Variants in ERC1 observed in about 807,000 individuals in gnomAD.
ERC1 encodes the protein RAB6 interacting protein 2.
Under a neutral mutation model 132.0 loss-of-function variants are expected in ERC1, and 56 were observed. That is an observed-to-expected ratio of 0.42 (90% CI 0.34 to 0.53). The LOEUF (loss-of-function observed/expected upper bound fraction) is 0.53, where lower values mean the gene tolerates loss of function less well. Among genes scored for constraint, ERC1 ranks in the 20% least tolerant of loss-of-function variants. The pLI is 0.03. For synonymous variants in ERC1, 478 were observed against 476.1 expected (o/e 1.00, Z -0.05); for missense variants, 1,202 against 1,349.9 (o/e 0.89, Z 1.72).
chr12:1,296,024 AAAC>A lies in ERC1; in HGVS notation c.2780+6016_2780+6018del, dbSNP rs753617213. On this transcript the variant is annotated intron_variant, in intron 15 of 18. Coordinates refer to ENST00000360905, the MANE Select transcript of ERC1 (RefSeq NM_178040.4). The stretch of plus-strand genomic sequence containing the variant: ...TTGGTTTAACAGAAAAAAAAAAAAA[AAAC>A]AACTAAATTCACCCTTATACATTAA... 2.1e-3 allele frequency among the ~76,000 whole-genome samples: 320 copies of A among 150,468 alleles called. 1 individual carries two copies. Among genetic ancestry groups the A allele is most frequent in the African/African-American group, 7.2e-3 (296 of 41,284 alleles).
chr12:1,333,312 G>A (rs572647725), intron 15 of ERC1, among the ~76,000 whole-genome samples: 8 of 149,582 alleles, frequency 5.3e-5, no homozygotes, highest in Middle Eastern at 3.5e-3. Flanking sequence ...ATAGTATTCC[G>A]TGGTGTATAT....
rs898182237 is a variant in ERC1 at position 1,183,373 on chromosome 12, G to C, written c.2109G>C (p.Leu703Phe). The change falls in exon 11 of 19, where the codon TTG becomes TTC. Residue 703 changes from leucine (L) to phenylalanine (F), a missense_variant. By Grantham distance (22) the Leu-to-Phe change is conservative (BLOSUM62 0). Transcript: ENST00000360905. ...GGCTTAAGACACTAGAGATTGCTTT[G>C]GAGCAGAAGAAGGAGGAGTGTCTGA... is the stretch of plus-strand genomic sequence containing the variant. Reference protein sequence around the residue: ...DSRLKTLEIALEQKKEECLKM... With the variant: ...DSRLKTLEIAFEQKKEECLKM... The C allele has an allele frequency of 1.0e-5, 16 of 1,595,468 alleles. No individual in the cohort carries two copies. Among genetic ancestry groups the C allele is most frequent in the Non-Finnish European group, 1.3e-5 (15 of 1,167,282 alleles).
chr12:1,286,757 T>C (rs935263442), intron 14 of ERC1, among the ~76,000 whole-genome samples: 2 of 152,222 alleles, frequency 1.3e-5, no homozygotes, highest in African/African-American at 4.8e-5. Flanking sequence ...ACAGAAAATT[T>C]ACATTTTTTG....
At chr12:1,137,030 A>G (rs1265304730) in intron 7 of ERC1, among the ~76,000 whole-genome samples, 1 of 151,326 alleles carries the variant, frequency 6.6e-6, no homozygotes, top group East Asian at 1.9e-4. Flanking sequence ...TGTCATATCT[A>G]GTCTTTGAGT....
rs1161558899 is a variant in ERC1 at position 1,214,187 on chromosome 12, A to G, written c.2352-22582A>G. On this transcript the variant is annotated intron_variant, in intron 12 of 18. Coordinates refer to ENST00000360905, the MANE Select transcript of ERC1 (RefSeq NM_178040.4). ...ATTTGGTATCAGAGATCTCCCAGGT[A>G]AACAGTATTTGCTTATAATTTCTAT... is the stretch of plus-strand genomic sequence containing the variant. Among the ~76,000 whole-genome samples the G allele has an allele frequency of 2.6e-5, 4 of 152,144 alleles. No individual in the cohort carries two copies. The East Asian group carries it at 5.8e-4, about 22-fold the overall frequency.
chr12:1,245,148 G>A (rs560142485), intron 13 of ERC1, among the ~76,000 whole-genome samples: 7 of 152,266 alleles, frequency 4.6e-5, no homozygotes, highest in Admixed American at 3.3e-4. Flanking sequence ...TAGATGTGCC[G>A]TGTAAAGAAT....
intron 18 of ERC1, chr12:1,480,929 C>G (rs1257906681): frequency 1.4e-6 from 1 of 702,448 alleles, no homozygotes; most frequent in Admixed American, 2.0e-5. Context: ...CCAGACGTCC[C>G]CCTTACTCTG....
intron 8 of ERC1, among the ~76,000 whole-genome samples, chr12:1,172,847 CTG>C (rs1453858459): frequency 6.6e-6 from 1 of 152,206 alleles, no homozygotes; most frequent in Admixed American, 6.5e-5. Context: ...GTCCGTCTGT[CTG>C]TAAATAAACT....
At chr12:1,284,174 C>A (rs1301672608) in intron 14 of ERC1, among the ~76,000 whole-genome samples, 1 of 152,008 alleles carries the variant, frequency 6.6e-6, no homozygotes, top group Admixed American at 6.6e-5. Flanking sequence ...CTTTCCGTGC[C>A]TGGCTTGTTT....
At chr12:1,352,154 C>T (rs1001496738) in intron 15 of ERC1, among the ~76,000 whole-genome samples, 3 of 152,100 alleles carry the variant, frequency 2.0e-5, no homozygotes, top group Admixed American at 1.3e-4. Context: ...CTCCTCCTAC[C>T]ACAAGCCTTC....
intron 2 of ERC1, among the ~76,000 whole-genome samples, chr12:1,029,959 G>A (rs1967693239): frequency 6.6e-6 from 1 of 152,074 alleles, no homozygotes; most frequent in South Asian, 2.1e-4. Context: ...TGTTGGCCAG[G>A]CTGGTCTCAA....
Position 1,485,353 on chromosome 12 carries a change from C to T in ERC1, c.3214-4740C>T, listed in dbSNP as rs954361461. Among the ~76,000 whole-genome samples, 8 of 151,222 alleles carry T rather than the reference C, an allele frequency of 5.3e-5. No homozygotes were observed. In the South Asian group the frequency reaches 6.2e-4, roughly 12 times the overall value. On this transcript the variant is annotated intron_variant, in intron 18 of 18. Coordinates refer to ENST00000360905, the MANE Select transcript of ERC1 (RefSeq NM_178040.4). ...CCAAGTAGCTGGGATTATAGGCGCC[C>T]GCCACCACGCCTGGCTAGTTTTTGT...
intron 17 of ERC1, among the ~76,000 whole-genome samples, chr12:1,412,365 G>T (rs1459214965): frequency 1.3e-5 from 2 of 152,212 alleles, no homozygotes; most frequent in African/African-American, 4.8e-5. Context: ...AGCCTTACTT[G>T]ATGTATCCAT....
In ERC1 at chr12:1,491,841, A is replaced by AT. The variant is rs2094321435; in HGVS notation, c.*1611_*1612insT. 1 of 232,576 alleles carries AT rather than the reference A, an allele frequency of 4.3e-6. No homozygotes were observed. The highest frequency in any genetic ancestry group is 1.8e-4 in the South Asian group (1 of 5,524). 14.4% of individuals were successfully genotyped at this position (232,576 alleles called of 1,614,324 possible). A position where few individuals can be genotyped will look rare whatever the true frequency, so the allele number is the denominator to read the frequency against. ...AGCGTAGACAACAGCAGTCATAAAT[A>AT]ATTAGGCAGGAACTTAACCCAAATC... On this transcript the variant is annotated 3_prime_UTR_variant, in exon 19 of 19. Transcript: ENST00000360905.
intron 15 of ERC1, among the ~76,000 whole-genome samples, chr12:1,298,170 A>T (rs879431768): frequency 1.3e-5 from 2 of 152,218 alleles, no homozygotes; most frequent in Admixed American, 1.3e-4. Flanking sequence ...ACAATTTCTA[A>T]TCTAAATAGA....
chr12:994,728 C>T (rs1249822540), intron 1 of ERC1, among the ~76,000 whole-genome samples: 3 of 152,140 alleles, frequency 2.0e-5, no homozygotes, highest in African/African-American at 7.2e-5. Context: ...TAGTAGTGAA[C>T]AGTTCTCCCA....
At chr12:1,436,329 G>C (rs2092948116) in intron 17 of ERC1, among the ~76,000 whole-genome samples, 1 of 152,098 alleles carries the variant, frequency 6.6e-6, no homozygotes, top group South Asian at 2.1e-4. Flanking sequence ...GCTCTTTTTT[G>C]TAGTCCTATG....
At chr12:1,153,037 C>T (rs1950978083) in intron 8 of ERC1, 1 of 152,236 alleles carries the variant, frequency 6.6e-6, no homozygotes, top group Non-Finnish European at 1.5e-5. Flanking sequence ...AGGATGTCTT[C>T]CATTGGATGG....
intron 3 of ERC1, among the ~76,000 whole-genome samples, chr12:1,093,978 TATATATAG>T (rs962901995): frequency 1.5e-4 from 20 of 132,966 alleles, no homozygotes; most frequent in Admixed American, 2.3e-4. Context: ...TATATATATA[TATATATAG>T]AAAAACATAG....
Sources: gnomAD v4.1 joint callset for allele counts (sites outside exome capture counted in the v4.1 genomes callset) on GRCh38, gnomAD v4.1.1 for gene constraint, MANE v1.5 for transcripts, NCBI Gene and HGNC (gene_info 2026-07-23, HGNC 2026-07-21) for gene names.